The following KMT2C variants were observed in gnomAD, a reference collection of about 807,000 sequenced individuals.
KMT2C encodes histone-lysine N-methyltransferase 2C.
Under a neutral mutation model 507.9 loss-of-function variants are expected in KMT2C, and 88 were observed. The observed-to-expected ratio is 0.17, with a 90% CI of 0.15 to 0.21. The LOEUF (loss-of-function observed/expected upper bound fraction) is 0.21. Among genes scored for constraint, KMT2C ranks in the 10% least tolerant of loss-of-function variants. The probability of loss-of-function intolerance (pLI) is 1.00; values close to 1 mark genes in which losing one functional copy is unlikely to be tolerated. For missense variants in KMT2C, 4,954 were observed against 5,957.8 expected (o/e 0.83, Z 5.55); for synonymous variants, 2,049 against 2,080.8 (o/e 0.98, Z 0.42).
At chr7:152,344,624 C>CAA (rs1009854743) in intron 2 of KMT2C, among the ~76,000 whole-genome samples, 53 of 140,102 alleles carry the variant, frequency 3.8e-4, no homozygotes, top group African/African-American at 1.4e-3. Context: ...GGCAACAACT[C>CAA]AAAAAAAAAA....
intron 1 of KMT2C, among the ~76,000 whole-genome samples, chr7:152,402,602 G>C (rs2097580733): frequency 7.6e-6 from 1 of 131,438 alleles, no homozygotes. Flanking sequence ...AGACAAATGA[G>C]ACTTAAGCTA....
intron 1 of KMT2C, among the ~76,000 whole-genome samples, chr7:152,417,710 C>T (rs542603732): frequency 1.3e-5 from 2 of 152,098 alleles, no homozygotes; most frequent in East Asian, 3.9e-4. Flanking sequence ...GGCATGATCT[C>T]GGCTCACTGC....
chr7:152,358,618 C>G lies in KMT2C; in HGVS notation c.219G>C (p.Glu73Asp), dbSNP rs963386629. 2 of 1,611,760 alleles carry G rather than the reference C, an allele frequency of 1.2e-6. No individual in the cohort carries two copies. The highest frequency in any genetic ancestry group is 1.7e-6 in the Non-Finnish European group (2 of 1,178,656). Residue 73 changes from glutamate (E) to aspartate (D), a missense_variant, in exon 2 of 59, where the codon GAG becomes GAC. Transcript: ENST00000262189. Reference sequence around the variant, plus strand: ...CCACAATCGTTTCTGTTTCTGTTGTCTCCAGCCCATCCATGCTGTCCTCAT... The same window carrying G: ...CCACAATCGTTTCTGTTTCTGTTGTGTCCAGCCCATCCATGCTGTCCTCAT... ...VEDEDSMDGLETTETETIVET... is the reference protein window; with the variant it reads ...VEDEDSMDGLDTTETETIVET...
intron 1 of KMT2C, among the ~76,000 whole-genome samples, chr7:152,399,109 G>A (rs11974161): frequency 0.05 from 7,652 of 151,922 alleles, 325 homozygotes; most frequent in African/African-American, 0.11. Flanking sequence ...GATTTCAGGC[G>A]CTCACCACCG....
At chr7:152,316,744 G>T (rs1412351807) in intron 3 of KMT2C, among the ~76,000 whole-genome samples, 1 of 151,326 alleles carries the variant, frequency 6.6e-6, no homozygotes, top group Non-Finnish European at 1.5e-5. Flanking sequence ...CTTTGTTTTT[G>T]TAATAAATTA....
intron 1 of KMT2C, among the ~76,000 whole-genome samples, chr7:152,375,670 C>T (rs1202187275): frequency 6.6e-6 from 1 of 152,146 alleles, no homozygotes; most frequent in African/African-American, 2.4e-5. Flanking sequence ...CAGGTGTGAG[C>T]CATAGTACCC....
chr7:152,141,817 A>C (rs1195842923), intron 55 of KMT2C, among the ~76,000 whole-genome samples: 2 of 152,160 alleles, frequency 1.3e-5, no homozygotes, highest in African/African-American at 4.8e-5. Context: ...TCAGAAGTTC[A>C]AGACCAGCCT....
Position 152,297,057 on chromosome 7 carries a change from G to GACAGAC in KMT2C, c.849+12908_849+12909insGTCTGT, listed in dbSNP as rs756980169. Among the ~76,000 whole-genome samples the GACAGAC allele has an allele frequency of 7.2e-3, 655 of 90,728 alleles. 19 individuals are homozygous for GACAGAC. Among genetic ancestry groups the GACAGAC allele is most frequent in the African/African-American group, 0.025 (519 of 20,946 alleles). The allele number at this position is 90,728 out of a possible 152,430, so 59.5% of individuals were successfully genotyped here. A position where few individuals can be genotyped will look rare whatever the true frequency, so the allele number is the denominator to read the frequency against. On this transcript the variant is annotated intron_variant, in intron 6 of 58. Coordinates refer to ENST00000262189, the MANE Select transcript of KMT2C (RefSeq NM_170606.3). ...AGAAAGAAAGAAAGAAAGAAAGACA[G>GACAGAC]AGAGAGAGAGAGAGAGAGAGAGAGA...
At chr7:152,391,396 C>T (rs1172446972) in intron 1 of KMT2C, among the ~76,000 whole-genome samples, 1 of 151,594 alleles carries the variant, frequency 6.6e-6, no homozygotes, top group Non-Finnish European at 1.5e-5. Flanking sequence ...TGCCTGCCAC[C>T]ACGCCTAGCT....
In KMT2C at chr7:152,271,996, TG is replaced by T. The variant is rs528356807; in HGVS notation, c.1012+1708del. On this transcript the variant is annotated intron_variant, in intron 7 of 58. Transcript: ENST00000262189. ...GGTTACGTCTGGAGTTATATATTTT[TG>T]GGGGGGGTCTCTCTATTACCTTCAT... 8.0e-4 allele frequency among the ~76,000 whole-genome samples: 121 copies of T among 151,832 alleles called. 2 individuals carry two copies. In the South Asian group the frequency reaches 0.017, roughly 22 times the overall value.
At chr7:152,368,407 A>C in intron 1 of KMT2C, 1 of 1,130,642 alleles carries the variant, frequency 8.8e-7, no homozygotes, top group Non-Finnish European at 1.3e-6. Flanking sequence ...AATGAAGAAG[A>C]TAGAGATGGA....
At chr7:152,255,790 A>G (rs1474296578) in intron 9 of KMT2C, among the ~76,000 whole-genome samples, 1 of 152,224 alleles carries the variant, frequency 6.6e-6, no homozygotes, top group Non-Finnish European at 1.5e-5. Flanking sequence ...TGGTTTTTAG[A>G]AAACTGAATA....
At chr7:152,189,103 C>T (rs1257427122) in intron 31 of KMT2C, among the ~76,000 whole-genome samples, 4 of 152,132 alleles carry the variant, frequency 2.6e-5, no homozygotes, top group Non-Finnish European at 5.9e-5. Context: ...AATACCTTAT[C>T]GTTTTCTTTC....
chr7:152,164,654 A>C (rs994232129), intron 42 of KMT2C, among the ~76,000 whole-genome samples: 1 of 152,236 alleles, frequency 6.6e-6, no homozygotes, highest in Non-Finnish European at 1.5e-5. Flanking sequence ...CAGATTAAAA[A>C]GACTAAATTT....
At chr7:152,281,804 T>C (rs1042443644) in intron 6 of KMT2C, among the ~76,000 whole-genome samples, 1 of 152,110 alleles carries the variant, frequency 6.6e-6, no homozygotes, top group Non-Finnish European at 1.5e-5. Flanking sequence ...TAGATATTAC[T>C]ATTTTTCATT....
chr7:152,333,437 T>G (rs1377825741), intron 2 of KMT2C, among the ~76,000 whole-genome samples: 2 of 152,186 alleles, frequency 1.3e-5, no homozygotes, highest in East Asian at 3.8e-4. Flanking sequence ...TATAAGCTCC[T>G]CTTTGAAGAA....
intron 36 of KMT2C, 61 bp downstream of exon 36, chr7:152,180,650 G>T: frequency 7.8e-7 from 1 of 1,277,124 alleles, no homozygotes; most frequent in Non-Finnish European, 1.1e-6. Flanking sequence ...TACTCAGTTT[G>T]ATGAAATGAA....
chr7:152,399,541 T>C (rs2097558669), intron 1 of KMT2C, among the ~76,000 whole-genome samples: 3 of 152,056 alleles, frequency 2.0e-5, no homozygotes, highest in Admixed American at 2.0e-4. Flanking sequence ...ATTAACAGCT[T>C]AACCCTAAAG....
At chr7:152,431,425 C>T (rs1258343557) in intron 1 of KMT2C, among the ~76,000 whole-genome samples, 2 of 151,820 alleles carry the variant, frequency 1.3e-5, no homozygotes, top group Non-Finnish European at 2.9e-5. Flanking sequence ...GGTGAAACCC[C>T]GTCTCTACTA....
Sources: gnomAD v4.1 joint callset for allele counts (sites outside exome capture counted in the v4.1 genomes callset) on GRCh38, gnomAD v4.1.1 for gene constraint, MANE v1.5 for transcripts, NCBI Gene and HGNC (gene_info 2026-07-23, HGNC 2026-07-21) for gene names.